PRDM6: variants seen among roughly 807,000 people sequenced by gnomAD.
PRDM6 encodes putative histone-lysine N-methyltransferase PRDM6.
In PRDM6, 25 loss-of-function variants were observed where a neutral mutation model predicts 60.8. The observed-to-expected ratio is 0.41, with a 90% CI of 0.30 to 0.57. The LOEUF is 0.57. PRDM6 is among the 20% of genes least tolerant of loss of function. The pLI is 0.27. For synonymous variants in PRDM6, 407 were observed against 357.4 expected, an observed-to-expected ratio of 1.14 and a Z score of -1.57; for missense variants, 839 against 821.3, an observed-to-expected ratio of 1.02 and a Z score of -0.26.
Position 123,090,545 on chromosome 5 carries a change from G to A in PRDM6, c.531G>A (p.Leu177=). 6.6e-7 allele frequency: 1 copy of A among 1,523,704 alleles called. No homozygotes were observed. The highest frequency in any genetic ancestry group is 2.0e-5 in the Admixed American group (1 of 50,286). 94.4% of individuals were successfully genotyped at this position (1,523,704 alleles called of 1,614,324 possible). A position where few individuals can be genotyped will look rare whatever the true frequency, so the allele number is the denominator to read the frequency against. ...RCSAEELDYY[L]YGQQRMEIIP... ...GCGCAGAGGAGCTGGACTATTACCT[G>A]TATGGCCAGCAGCGCATGGAGATCA... The change falls in exon 2 of 8, where the codon CTG becomes CTA. Residue 177 remains leucine, a synonymous_variant. Transcript: ENST00000407847.
At chr5:123,105,040 A>G (rs1288330997) in intron 3 of PRDM6, among the ~76,000 whole-genome samples, 1 of 152,214 alleles carries the variant, frequency 6.6e-6, no homozygotes, top group African/African-American at 2.4e-5. Context: ...TTTAATCCCA[A>G]CATGCATGTG....
intron 3 of PRDM6, among the ~76,000 whole-genome samples, chr5:123,105,736 T>A (rs545572845): frequency 6.6e-6 from 1 of 152,374 alleles, no homozygotes; most frequent in Non-Finnish European, 1.5e-5. Flanking sequence ...CAAGATTTCA[T>A]TAGTTCAGAC....
At chr5:123,114,921 G>A (rs1764399418) in intron 3 of PRDM6, among the ~76,000 whole-genome samples, 1 of 152,216 alleles carries the variant, frequency 6.6e-6, no homozygotes, top group Non-Finnish European at 1.5e-5. Context: ...AGTCTGTAGT[G>A]GAACAGGGGT....
chr5:123,132,808 A>G (rs1188569852), intron 3 of PRDM6, among the ~76,000 whole-genome samples: 1 of 152,104 alleles, frequency 6.6e-6, no homozygotes, highest in East Asian at 1.9e-4. Context: ...TTATTGTTTT[A>G]ATTATTTAAA....
chr5:123,123,421 G>A (rs978158756), intron 3 of PRDM6, among the ~76,000 whole-genome samples: 2 of 152,132 alleles, frequency 1.3e-5, no homozygotes, highest in Non-Finnish European at 2.9e-5. Flanking sequence ...GAACCATGTG[G>A]CTGGCTATTG....
At chr5:123,103,760 T>C (rs1378557015) in intron 3 of PRDM6, among the ~76,000 whole-genome samples, 2 of 152,012 alleles carry the variant, frequency 1.3e-5, no homozygotes, top group African/African-American at 4.8e-5. Context: ...TGGAATAAAA[T>C]ACGGAAGTTT....
chr5:123,129,244 C>G (rs1056758726), intron 3 of PRDM6, among the ~76,000 whole-genome samples: 4 of 152,064 alleles, frequency 2.6e-5, no homozygotes, highest in African/African-American at 4.8e-5. Flanking sequence ...CTTGGCAATG[C>G]GGGCTCTTTT....
intron 5 of PRDM6, among the ~76,000 whole-genome samples, chr5:123,169,158 C>G (rs1765827690): frequency 6.6e-6 from 1 of 152,162 alleles, no homozygotes; most frequent in African/African-American, 2.4e-5. Flanking sequence ...ATTCTCTTGA[C>G]CACCTGGTAA....
chr5:123,128,349 C>T (rs1764741424), intron 3 of PRDM6, among the ~76,000 whole-genome samples: 1 of 152,220 alleles, frequency 6.6e-6, no homozygotes, highest in Non-Finnish European at 1.5e-5. Flanking sequence ...GCCTCACTGT[C>T]TTCCACAATG....
At chr5:123,177,798 T>G (rs1766050527) in intron 6 of PRDM6, among the ~76,000 whole-genome samples, 1 of 152,162 alleles carries the variant, frequency 6.6e-6, no homozygotes, top group South Asian at 2.1e-4. Context: ...GATCATCATC[T>G]TCAGTCCATT....
chr5:123,144,007 T>C (rs1366502042), intron 3 of PRDM6, among the ~76,000 whole-genome samples: 2 of 152,194 alleles, frequency 1.3e-5, no homozygotes, highest in Non-Finnish European at 2.9e-5. Flanking sequence ...TCTGTGATTG[T>C]ATGCATAACC....
intron 3 of PRDM6, among the ~76,000 whole-genome samples, chr5:123,102,672 C>A (rs556386147): frequency 6.6e-6 from 1 of 152,092 alleles, no homozygotes; most frequent in African/African-American, 2.4e-5. Context: ...TTTTAAAAGG[C>A]AACTGTAATC....
In PRDM6 at chr5:123,187,340, G is replaced by T; in HGVS notation, c.*139G>T. 2 of 588,700 alleles carry T rather than the reference G, an allele frequency of 3.4e-6. No homozygotes were observed. Among genetic ancestry groups the T allele is most frequent in the South Asian group, 1.9e-5 (1 of 51,846 alleles). 36.5% of individuals were successfully genotyped at this position (588,700 alleles called of 1,614,324 possible). A position where few individuals can be genotyped will look rare whatever the true frequency, so the allele number is the denominator to read the frequency against. ...AAAGCAGTAATAAAATAAGTAAGAT[G>T]TTAAGAGATATTGATCCTGGCATGG... On this transcript the variant is annotated 3_prime_UTR_variant, in exon 8 of 8. Coordinates refer to ENST00000407847, the MANE Select transcript of PRDM6 (RefSeq NM_001136239.4).
chr5:123,139,121 C>T (rs1732088075), intron 3 of PRDM6, among the ~76,000 whole-genome samples: 2 of 151,916 alleles, frequency 1.3e-5, no homozygotes, highest in Admixed American at 1.3e-4. Context: ...TTCTAAGTTT[C>T]CTGAGGCTTC....
At chr5:123,128,604 G>T (rs771324230) in intron 3 of PRDM6, among the ~76,000 whole-genome samples, 29 of 152,012 alleles carry the variant, frequency 1.9e-4, no homozygotes, top group Non-Finnish European at 4.0e-4. Flanking sequence ...TTGCCCACTT[G>T]TTGATGGGAT....
chr5:123,182,000 T>G (rs1230215562), intron 7 of PRDM6, among the ~76,000 whole-genome samples: 2 of 152,222 alleles, frequency 1.3e-5, no homozygotes, highest in Non-Finnish European at 2.9e-5. Flanking sequence ...GTGATAATTT[T>G]TGTTGCGGTA....
intron 2 of PRDM6, among the ~76,000 whole-genome samples, chr5:123,095,470 C>G (rs1180558933): frequency 6.6e-6 from 1 of 152,216 alleles, no homozygotes; most frequent in Non-Finnish European, 1.5e-5. Context: ...CTCTGCCTGC[C>G]CGCCCTCTGC....
chr5:123,173,407 C>T (rs901570624), intron 6 of PRDM6: 1 of 167,000 alleles, frequency 6.0e-6, no homozygotes, highest in Non-Finnish European at 1.5e-5. Context: ...GCATGAGACT[C>T]CTGTCTTATC....
chr5:123,096,685 GTCT>G (rs1190124546), intron 2 of PRDM6, among the ~76,000 whole-genome samples: 3 of 152,198 alleles, frequency 2.0e-5, no homozygotes, highest in African/African-American at 7.2e-5. Context: ...CACACAGATA[GTCT>G]TCTAGATATT....
Sources: gnomAD v4.1 joint callset for allele counts (sites outside exome capture counted in the v4.1 genomes callset) on GRCh38, gnomAD v4.1.1 for gene constraint, MANE v1.5 for transcripts, NCBI Gene and HGNC (gene_info 2026-07-23, HGNC 2026-07-21) for gene names.